OR6C74: variants seen among roughly 807,000 people sequenced by gnomAD.
OR6C74 encodes the protein olfactory receptor family 6 subfamily C member 74.
For missense variants in OR6C74, 361 were observed against 362.9 expected, an observed-to-expected ratio of 0.99 and a Z score of 0.04; for synonymous variants, 142 against 134.2, an observed-to-expected ratio of 1.06 and a Z score of -0.40.
At position 55,256,148 on chromosome 12, in the gene OR6C74, G is replaced by A. The variant is rs983022184; in HGVS notation, c.*7922G>A. 1.3e-5 allele frequency among the ~76,000 whole-genome samples: 2 copies of A among 152,060 alleles called. No homozygotes were observed. Among genetic ancestry groups the A allele is most frequent in the Non-Finnish European group, 2.9e-5 (2 of 67,982 alleles). ...GTGCTTCCCCCTGCAGAGAGCCTAC[G>A]AACGGACATGCAGTCAGGGAGGTTT... On this transcript the variant is annotated 3_prime_UTR_variant, in exon 2 of 2. Transcript: ENST00000343399.
chr12:55,248,331 T>G lies in OR6C74; in HGVS notation c.*105T>G. ...GTATTCAATAATATTACCTCTTTTT[T>G]GACTTATAATTTTCATTATGGCCTT... On this transcript the variant is annotated 3_prime_UTR_variant, in exon 2 of 2. Coordinates refer to ENST00000343399, the MANE Select transcript of OR6C74 (RefSeq NM_001005490.2). 6 of 694,676 alleles carry G rather than the reference T, an allele frequency of 8.6e-6. No homozygotes were observed. Among genetic ancestry groups the G allele is most frequent in the Non-Finnish European group, 1.4e-5 (6 of 426,850 alleles). 43.0% of individuals were successfully genotyped at this position (694,676 alleles called of 1,614,324 possible).
Position 55,255,766 on chromosome 12 carries a change from T to G in OR6C74, c.*7540T>G, listed in dbSNP as rs1273547190. Among the ~76,000 whole-genome samples, 1 of 152,138 alleles carries G rather than the reference T, an allele frequency of 6.6e-6. No individual in the cohort carries two copies. The highest frequency in any genetic ancestry group is 1.5e-5 in the Non-Finnish European group (1 of 68,000). Reference sequence around the variant, plus strand: ...GTTGAACAATGACAGAGAAGAATTTTAAATGCATATTTCTCAATGAAACTA... The same window carrying G: ...GTTGAACAATGACAGAGAAGAATTTGAAATGCATATTTCTCAATGAAACTA... On this transcript the variant is annotated 3_prime_UTR_variant, in exon 2 of 2. Transcript: ENST00000343399.
rs1190293623 is a variant in OR6C74 at position 55,256,366 on chromosome 12, G to A, written c.*8140G>A. 1.3e-5 allele frequency among the ~76,000 whole-genome samples: 2 copies of A among 152,128 alleles called. No individual in the cohort carries two copies. The highest frequency in any genetic ancestry group is 3.9e-4 in the East Asian group (2 of 5,162). On this transcript the variant is annotated 3_prime_UTR_variant, in exon 2 of 2. Transcript: ENST00000343399. ...TTGGGGGTAAGGCATACTCCCTTCT[G>A]ATATTTTCCGGTCTAACCGGTTGTC...
At position 55,250,875 on chromosome 12, in the gene OR6C74, T is replaced by C. The variant is rs1954307685; in HGVS notation, c.*2649T>C. On this transcript the variant is annotated 3_prime_UTR_variant, in exon 2 of 2. Coordinates refer to ENST00000343399, the MANE Select transcript of OR6C74 (RefSeq NM_001005490.2). ...CAATTCCTTTTGTACCAACCTAATA[T>C]ATACTGAGTAAGTATTAAGACAAGC... is the stretch of plus-strand genomic sequence containing the variant. 6.6e-6 allele frequency among the ~76,000 whole-genome samples: 1 copy of C among 152,040 alleles called. No individual in the cohort carries two copies. The highest frequency in any genetic ancestry group is 1.5e-5 in the Non-Finnish European group (1 of 67,974).
intron 1 of OR6C74, among the ~76,000 whole-genome samples, chr12:55,245,804 T>C (rs1318940459): frequency 3.9e-5 from 6 of 152,190 alleles, no homozygotes; most frequent in Non-Finnish European, 8.8e-5. Flanking sequence ...TTTTGAGCTT[T>C]AATATAAACT....
Position 55,254,013 on chromosome 12 carries a change from G to A in OR6C74, c.*5787G>A, listed in dbSNP as rs1263586966. The stretch of plus-strand genomic sequence containing the variant: ...TCATAATCTGTTGTTCACTACTAAA[G>A]TGCATCATGCAATATTGATAACTAC... On this transcript the variant is annotated 3_prime_UTR_variant, in exon 2 of 2. Coordinates refer to ENST00000343399, the MANE Select transcript of OR6C74 (RefSeq NM_001005490.2). Among the ~76,000 whole-genome samples the A allele has an allele frequency of 6.6e-6, 1 of 152,014 alleles. No homozygotes were observed. Among genetic ancestry groups the A allele is most frequent in the Non-Finnish European group, 1.5e-5 (1 of 67,966 alleles).
At position 55,252,670 on chromosome 12, in the gene OR6C74, T is replaced by C. The variant is rs1208172614; in HGVS notation, c.*4444T>C. ...TTTCTTTTGATAATGGGTTACTTTT[T>C]CCCATATTTTTAAAACACCATCTGT... is the stretch of plus-strand genomic sequence containing the variant. On this transcript the variant is annotated 3_prime_UTR_variant, in exon 2 of 2. Transcript: ENST00000343399. Among the ~76,000 whole-genome samples the C allele has an allele frequency of 6.6e-6, 1 of 151,956 alleles. No individual in the cohort carries two copies. Among genetic ancestry groups the C allele is most frequent in the Non-Finnish European group, 1.5e-5 (1 of 67,904 alleles).
rs1954306268 is a variant in OR6C74, at chr12:55,250,658, T to G, written c.*2432T>G. On this transcript the variant is annotated 3_prime_UTR_variant, in exon 2 of 2. Transcript: ENST00000343399. ...ATTGTGCTAGGATTCTAAAAAATAT[T>G]AAAATCTCATTTGTTCACCTGTTTA... is the stretch of plus-strand genomic sequence containing the variant. Among the ~76,000 whole-genome samples, 1 of 152,114 alleles carries G rather than the reference T, an allele frequency of 6.6e-6. No individual in the cohort carries two copies. Among genetic ancestry groups the G allele is most frequent in the South Asian group, 2.1e-4 (1 of 4,826 alleles).
chr12:55,249,577 C>T lies in OR6C74; in HGVS notation c.*1351C>T, dbSNP rs1954299034. The stretch of plus-strand genomic sequence containing the variant: ...ATATATATATCTAAATAAATATTAA[C>T]AGGGCACTGAGAAGCTGAGAAGATT... On this transcript the variant is annotated 3_prime_UTR_variant, in exon 2 of 2. Transcript: ENST00000343399. Among the ~76,000 whole-genome samples the T allele has an allele frequency of 1.3e-5, 2 of 151,792 alleles. No individual in the cohort carries two copies. Among genetic ancestry groups the T allele is most frequent in the African/African-American group, 4.8e-5 (2 of 41,344 alleles).
chr12:55,246,045 G>A (rs181328755), intron 1 of OR6C74, among the ~76,000 whole-genome samples: 1 of 152,120 alleles, frequency 6.6e-6, no homozygotes, highest in African/African-American at 2.4e-5. Context: ...ATGTAATAAT[G>A]TTCATATACA....
At position 55,250,901 on chromosome 12, in the gene OR6C74, T is replaced by C. The variant is rs1954307798; in HGVS notation, c.*2675T>C. Among the ~76,000 whole-genome samples, 1 of 152,100 alleles carries C rather than the reference T, an allele frequency of 6.6e-6. No individual in the cohort carries two copies. Among genetic ancestry groups the C allele is most frequent in the African/African-American group, 2.4e-5 (1 of 41,442 alleles). ...ATACTGAGTAAGTATTAAGACAAGC[T>C]AGACTCAAGGTATGTCAATTGTCTA... On this transcript the variant is annotated 3_prime_UTR_variant, in exon 2 of 2. Transcript: ENST00000343399.
In OR6C74 at chr12:55,253,775, T is replaced by C. The variant is rs1329293028; in HGVS notation, c.*5549T>C. ...TCTATTGAAGGACACTAGCGGAAGA[T>C]TTGGATATTAATATGCATGACAGTT... is the stretch of plus-strand genomic sequence containing the variant. On this transcript the variant is annotated 3_prime_UTR_variant, in exon 2 of 2. Transcript: ENST00000343399. Among the ~76,000 whole-genome samples the C allele has an allele frequency of 6.6e-6, 1 of 152,068 alleles. No homozygotes were observed. The highest frequency in any genetic ancestry group is 2.4e-5 in the African/African-American group (1 of 41,434).
At position 55,247,402 on chromosome 12, in the gene OR6C74, G is replaced by A. The variant is rs770301522; in HGVS notation, c.115G>A (p.Gly39Arg). Residue 39 changes from glycine to arginine, a missense_variant, in exon 2 of 2, where the codon GGG (glycine) becomes AGG (arginine). Transcript: ENST00000343399. ...LFFTYMLSIT[G>R]NLTIITLTLL... ...TTTCACCTACATGTTGAGCATCACTGGGAATCTAACCATCATCACTCTCAC... is the reference window on the plus strand; with the variant it reads ...TTTCACCTACATGTTGAGCATCACTAGGAATCTAACCATCATCACTCTCAC... 6.2e-7 allele frequency: 1 copy of A among 1,612,240 alleles called. No homozygotes were observed. The highest frequency in any genetic ancestry group is 1.1e-5 in the South Asian group (1 of 91,018).
In OR6C74 at chr12:55,248,246, TA is replaced by T. The variant is rs1481325414; in HGVS notation, c.*22del. ...AAATGAATCACTTTAACGATATTAT[TA>T]AGGTTATTAGTAAAATAAAACAAGA... On this transcript the variant is annotated 3_prime_UTR_variant, in exon 2 of 2. Transcript: ENST00000343399. 6.8e-7 allele frequency: 1 copy of T among 1,469,738 alleles called. No individual in the cohort carries two copies. The highest frequency in any genetic ancestry group is 9.4e-7 in the Non-Finnish European group (1 of 1,064,954). The allele number at this position is 1,469,738 out of a possible 1,614,324, so 91.0% of individuals were successfully genotyped here. A position where few individuals can be genotyped will look rare whatever the true frequency, so the allele number is the denominator to read the frequency against.
Position 55,254,379 on chromosome 12 carries a change from A to G in OR6C74, c.*6153A>G, listed in dbSNP as rs1243978341. Among the ~76,000 whole-genome samples the G allele has an allele frequency of 6.6e-6, 1 of 152,116 alleles. No individual in the cohort carries two copies. The highest frequency in any genetic ancestry group is 1.5e-5 in the Non-Finnish European group (1 of 67,984). ...AGATTTATATTTACATATATGAAAT[A>G]CATACACACATATATGTAATTCCCA... On this transcript the variant is annotated 3_prime_UTR_variant, in exon 2 of 2. Transcript: ENST00000343399.
chr12:55,245,418 G>C (rs1405626054), intron 1 of OR6C74, among the ~76,000 whole-genome samples: 1 of 151,808 alleles, frequency 6.6e-6, no homozygotes, highest in Non-Finnish European at 1.5e-5. Flanking sequence ...TCCTGAACTT[G>C]AAAAAATTTT....
At position 55,247,952 on chromosome 12, in the gene OR6C74, C is replaced by A. The variant is rs764461738; in HGVS notation, c.665C>A (p.Thr222Asn). The change falls in exon 2 of 2, where the codon ACT becomes AAT. Residue 222 changes from threonine to asparagine, a missense_variant. Physicochemically the swap from Thr to Asn is moderately conservative, Grantham distance 65. Transcript: ENST00000343399. ...CTCTCCTACACAAATATTATCAGGA[C>A]TATTCTGAAAATACCTTCTTCTCAA... Reference protein sequence around the residue: ...VILSYTNIIRTILKIPSSQQR... With the variant: ...VILSYTNIIRNILKIPSSQQR... 1 of 1,613,834 alleles carries A rather than the reference C, an allele frequency of 6.2e-7. No individual in the cohort carries two copies. Among genetic ancestry groups the A allele is most frequent in the African/African-American group, 1.3e-5 (1 of 74,912 alleles).
In OR6C74 at chr12:55,248,126, C is replaced by T. The variant is rs1439414647; in HGVS notation, c.839C>T (p.Ala280Val). 3 of 1,613,412 alleles carry T rather than the reference C, an allele frequency of 1.9e-6. No homozygotes were observed. Among genetic ancestry groups the T allele is most frequent in the Non-Finnish European group, 2.5e-6 (3 of 1,179,508 alleles). The change falls in exon 2 of 2, where the codon GCC becomes GTC. Residue 280 changes from alanine to valine, a missense_variant. Physicochemically the swap from Ala to Val is moderately conservative, Grantham distance 64. Transcript: ENST00000343399. ...KGIALLSTSVAPMLNPFIYTL... is the reference protein window; with the variant it reads ...KGIALLSTSVVPMLNPFIYTL... ...ATAGCTCTGCTCAGCACTTCTGTTGCCCCCATGTTGAATCCCTTTATTTAT... is the reference window on the plus strand; with the variant it reads ...ATAGCTCTGCTCAGCACTTCTGTTGTCCCCATGTTGAATCCCTTTATTTAT...
At position 55,250,774 on chromosome 12, in the gene OR6C74, G is replaced by T. The variant is rs189125474; in HGVS notation, c.*2548G>T. On this transcript the variant is annotated 3_prime_UTR_variant, in exon 2 of 2. Coordinates refer to ENST00000343399, the MANE Select transcript of OR6C74 (RefSeq NM_001005490.2). ...GTATTAGGTTGGCGCAAAAGGAATTGCAGTTTCACCATTAAAAGTAATTAA... is the reference window on the plus strand; with the variant it reads ...GTATTAGGTTGGCGCAAAAGGAATTTCAGTTTCACCATTAAAAGTAATTAA... Among the ~76,000 whole-genome samples the T allele has an allele frequency of 1.3e-5, 2 of 152,170 alleles. No individual in the cohort carries two copies. Among genetic ancestry groups the T allele is most frequent in the Admixed American group, 6.6e-5 (1 of 15,262 alleles).
Sources: gnomAD v4.1 joint callset for allele counts (sites outside exome capture counted in the v4.1 genomes callset) on GRCh38, gnomAD v4.1.1 for gene constraint, MANE v1.5 for transcripts, NCBI Gene and HGNC (gene_info 2026-07-23, HGNC 2026-07-21) for gene names.